PAPPA2: variants seen among roughly 807,000 people sequenced by gnomAD.
PAPPA2 encodes pappalysin-2.
A neutral mutation model predicts 176.4 loss-of-function variants in PAPPA2; 86 were observed. The observed-to-expected ratio is 0.49, with a 90% CI of 0.41 to 0.58. The LOEUF (loss-of-function observed/expected upper bound fraction) is 0.58. Among genes scored for constraint, PAPPA2 ranks in the 20% least tolerant of loss-of-function variants. The pLI is 0.00. For missense variants in PAPPA2, 2,073 were observed against 2,256.9 expected (o/e 0.92, Z 1.65); for synonymous variants, 809 against 852.2 (o/e 0.95, Z 0.88).
At chr1:176,746,552 G>A (rs530899523) in intron 14 of PAPPA2, among the ~76,000 whole-genome samples, 32 of 152,092 alleles carry the variant, frequency 2.1e-4, no homozygotes, top group Middle Eastern at 6.8e-3. Context: ...GACTACAGGC[G>A]AATACTATTT....
At chr1:176,541,612 C>T (rs1399155221) in intron 1 of PAPPA2, among the ~76,000 whole-genome samples, 1 of 152,190 alleles carries the variant, frequency 6.6e-6, no homozygotes, top group Non-Finnish European at 1.5e-5. Context: ...GAATGCCATG[C>T]CAAACATCCA....
chr1:176,574,265 A>G (rs1285889329), intron 2 of PAPPA2, among the ~76,000 whole-genome samples: 3 of 152,194 alleles, frequency 2.0e-5, no homozygotes, highest in African/African-American at 7.2e-5. Flanking sequence ...GCTGAGCATA[A>G]TAAGTACTGT....
At chr1:176,695,366 A>G (rs1660327516) in intron 6 of PAPPA2, among the ~76,000 whole-genome samples, 1 of 152,192 alleles carries the variant, frequency 6.6e-6, no homozygotes. Flanking sequence ...TAGTGGGGAA[A>G]TTCAAGGAGC....
At chr1:176,575,515 A>G (rs1224940813) in intron 2 of PAPPA2, among the ~76,000 whole-genome samples, 1 of 152,172 alleles carries the variant, frequency 6.6e-6, no homozygotes, top group Non-Finnish European at 1.5e-5. Flanking sequence ...TCCAATGAAC[A>G]TATCTGGTTT....
intron 3 of PAPPA2, among the ~76,000 whole-genome samples, chr1:176,664,991 T>G (rs964845179): frequency 1.3e-4 from 20 of 151,898 alleles, no homozygotes; most frequent in African/African-American, 4.6e-4. Flanking sequence ...GGGGGTGGAG[T>G]GAAGGAGAGC....
rs775231360 is a variant in PAPPA2 at position 176,556,295 on chromosome 1, T to C, written c.-28T>C. On this transcript the variant is annotated 5_prime_UTR_variant, in exon 2 of 23. Transcript: ENST00000367662. Reference sequence around the variant, plus strand: ...GGTGTGGTACCCAGAAGTTGACTTCTGGTTCTGTAGAAAGAGCTAGGGGAG... The same window carrying C: ...GGTGTGGTACCCAGAAGTTGACTTCCGGTTCTGTAGAAAGAGCTAGGGGAG... 8.1e-6 allele frequency: 13 copies of C among 1,597,764 alleles called. No homozygotes were observed. The highest frequency in any genetic ancestry group is 4.5e-5 in the East Asian group (2 of 44,768).
chr1:176,581,172 C>T (rs1437112917), intron 2 of PAPPA2, among the ~76,000 whole-genome samples: 1 of 152,034 alleles, frequency 6.6e-6, no homozygotes, highest in Admixed American at 6.5e-5. Context: ...TTTCCTTGTT[C>T]AGCATATGGG....
intron 21 of PAPPA2, among the ~76,000 whole-genome samples, chr1:176,826,241 A>G (rs971847387): frequency 1.2e-4 from 19 of 152,206 alleles, no homozygotes; most frequent in African/African-American, 4.3e-4. Context: ...AGAGATGAAG[A>G]TGGAGTGCTG....
intron 3 of PAPPA2, among the ~76,000 whole-genome samples, chr1:176,635,702 A>AT (rs1463002595): frequency 6.6e-6 from 1 of 151,742 alleles, no homozygotes; most frequent in Non-Finnish European, 1.5e-5. Flanking sequence ...TTCTTTTATT[A>AT]TTTTTTTAAC....
chr1:176,719,741 C>G (rs1661536884), intron 12 of PAPPA2, among the ~76,000 whole-genome samples: 1 of 152,144 alleles, frequency 6.6e-6, no homozygotes, highest in South Asian at 2.1e-4. Flanking sequence ...ATCTTTGATT[C>G]AAATTTCACT....
At chr1:176,654,937 C>A (rs1343536387) in intron 3 of PAPPA2, among the ~76,000 whole-genome samples, 1 of 151,796 alleles carries the variant, frequency 6.6e-6, no homozygotes, top group Non-Finnish European at 1.5e-5. Flanking sequence ...TAAAGCTTTA[C>A]TAAATTCATT....
intron 1 of PAPPA2, among the ~76,000 whole-genome samples, chr1:176,535,234 T>C (rs1650007756): frequency 6.6e-6 from 1 of 152,178 alleles, no homozygotes. Context: ...GTGGATGTGA[T>C]AGCTGGAGCT....
At chr1:176,784,710 C>T (rs1192467235) in intron 17 of PAPPA2, among the ~76,000 whole-genome samples, 1 of 152,002 alleles carries the variant, frequency 6.6e-6, no homozygotes, top group East Asian at 1.9e-4. Context: ...CCTCAGCCTC[C>T]CAAATAGCTG....
At chr1:176,500,489 A>G (rs544283420) in intron 1 of PAPPA2, among the ~76,000 whole-genome samples, 1 of 117,478 alleles carries the variant, frequency 8.5e-6, no homozygotes, top group Non-Finnish European at 1.7e-5. Flanking sequence ...ATATATATAC[A>G]TTTATATATA....
intron 3 of PAPPA2, among the ~76,000 whole-genome samples, chr1:176,623,533 C>A (rs550872126): frequency 6.6e-6 from 1 of 152,024 alleles, no homozygotes; most frequent in Non-Finnish European, 1.5e-5. Context: ...GTGAAGACAT[C>A]CCTCCTGGAA....
chr1:176,744,713 TTTTC>T (rs1282609817), intron 14 of PAPPA2, among the ~76,000 whole-genome samples: 2 of 152,172 alleles, frequency 1.3e-5, no homozygotes, highest in African/African-American at 4.8e-5. Flanking sequence ...TGATCTGTTT[TTTTC>T]TTTTAGTTTG....
chr1:176,740,155 C>A lies in PAPPA2; in HGVS notation c.4110C>A (p.Asn1370Lys). ...SSRIGLSAPS[N>K]CISEDEGQNH... The stretch of plus-strand genomic sequence containing the variant: ...GCATTGGTCTTTCGGCTCCCAGTAA[C>A]TGCATCTCAGAGGACGAGGGGCAGA... The change falls in exon 14 of 23, where the codon AAC (asparagine) becomes AAA (lysine). Residue 1370 changes from asparagine to lysine, a missense_variant. Coordinates refer to ENST00000367662, the MANE Select transcript of PAPPA2 (RefSeq NM_020318.3). 6.2e-7 allele frequency: 1 copy of A among 1,613,850 alleles called. No individual in the cohort carries two copies.
chr1:176,829,739 C>A (rs144902198), intron 21 of PAPPA2, among the ~76,000 whole-genome samples: 2 of 152,332 alleles, frequency 1.3e-5, no homozygotes, highest in Admixed American at 1.3e-4. Flanking sequence ...TAAGCTCCAT[C>A]CAGACAGAGC....
Position 176,696,325 on chromosome 1 carries a change from G to A in PAPPA2, c.2746+466G>A, listed in dbSNP as rs1457203387. Among the ~76,000 whole-genome samples, 8 of 128,066 alleles carry A rather than the reference G, an allele frequency of 6.2e-5. No homozygotes were observed. In the East Asian group the frequency reaches 1.1e-3, roughly 18 times the overall value. The allele number at this position is 128,066 out of a possible 152,430, so 84.0% of individuals were successfully genotyped here. ...AAGTCTGGGTGGGGGTGGGGGGACC[G>A]CAGAGAAAACTCATGTACTGGCTGA... On this transcript the variant is annotated intron_variant, in intron 7 of 22. Transcript: ENST00000367662.
Sources: allele counts gnomAD v4.1 joint callset (sites outside exome capture counted in the v4.1 genomes callset), GRCh38; gene constraint gnomAD v4.1.1; transcripts MANE v1.5; gene names NCBI Gene and HGNC (gene_info 2026-07-23, HGNC 2026-07-21).